The following ST18 variants were observed in gnomAD, a reference collection of about 807,000 sequenced individuals.
The protein encoded by ST18 is suppression of tumorigenicity 18 protein.
Under a neutral mutation model 110.0 loss-of-function variants are expected in ST18, and 50 were observed. That is an observed-to-expected ratio of 0.45 (90% CI 0.36 to 0.58). ST18 has a LOEUF of 0.58. Ranked by LOEUF, ST18 falls within the 20% of genes least tolerant of loss-of-function variation. ST18 has a pLI of 0.00. For missense variants in ST18, 1,306 were observed against 1,280.1 expected, an observed-to-expected ratio of 1.02 and a Z score of -0.31; for synonymous variants, 461 against 452.4, an observed-to-expected ratio of 1.02 and a Z score of -0.24.
chr8:52,366,649 C>T (rs557729626), intron 2 of ST18, among the ~76,000 whole-genome samples: 6 of 152,344 alleles, frequency 3.9e-5, no homozygotes, highest in South Asian at 2.1e-4. Flanking sequence ...AAAGATGCCC[C>T]TGCCTTCCCT....
At chr8:52,288,820 C>T (rs1223520430) in intron 2 of ST18, among the ~76,000 whole-genome samples, 1 of 151,964 alleles carries the variant, frequency 6.6e-6, no homozygotes, top group African/African-American at 2.4e-5. Context: ...AAAATATTGA[C>T]TAGAGCAGAT....
intron 2 of ST18, among the ~76,000 whole-genome samples, chr8:52,361,903 T>A (rs1825898553): frequency 6.9e-6 from 1 of 144,872 alleles, no homozygotes; most frequent in African/African-American, 2.8e-5. Flanking sequence ...TTTCACACTT[T>A]ATTTTTTTTT....
intron 2 of ST18, among the ~76,000 whole-genome samples, chr8:52,255,197 T>C (rs2094486277): frequency 6.6e-6 from 1 of 151,970 alleles, no homozygotes; most frequent in South Asian, 2.1e-4. Context: ...CGGCCCGGAG[T>C]GCTCTATTTC....
rs147403940 is a variant in ST18, at chr8:52,141,216, C to A, written c.2168+1714G>T. ...GCTTATTTTAAAGTCGCTCACATAC[C>A]AGTAGGGCAAACTGATGACGGACTC... On this transcript the variant is annotated intron_variant, in intron 17 of 25. Coordinates refer to ENST00000689386, the MANE Select transcript of ST18 (RefSeq NM_001352837.2). 1.0e-3 allele frequency among the ~76,000 whole-genome samples: 155 copies of A among 152,260 alleles called. 1 individual carries two copies. The highest frequency in any genetic ancestry group is 5.0e-3 in the Admixed American group (76 of 15,298).
intron 2 of ST18, among the ~76,000 whole-genome samples, chr8:52,270,947 C>A (rs897706726): frequency 4.0e-5 from 6 of 151,778 alleles, no homozygotes; most frequent in Non-Finnish European, 7.4e-5. Flanking sequence ...CTCTGTCACC[C>A]AGGCTGGAGG....
At chr8:52,208,116 T>G (rs895181445) in intron 8 of ST18, among the ~76,000 whole-genome samples, 2 of 152,174 alleles carry the variant, frequency 1.3e-5, no homozygotes, top group African/African-American at 4.8e-5. Context: ...TCGAGTATAA[T>G]AAGAAGATGA....
chr8:52,389,154 C>G (rs942916820), intron 2 of ST18, among the ~76,000 whole-genome samples: 4 of 152,076 alleles, frequency 2.6e-5, no homozygotes, highest in African/African-American at 7.2e-5. Context: ...CTGTGGGGCT[C>G]CCAGGCCTCA....
intron 9 of ST18, among the ~76,000 whole-genome samples, chr8:52,178,345 G>A (rs2067722281): frequency 1.3e-5 from 2 of 151,386 alleles, no homozygotes; most frequent in East Asian, 3.9e-4. Context: ...AAATAAAACG[G>A]AGCCAGGCAT....
chr8:52,347,325 G>C (rs1031513743), intron 2 of ST18, among the ~76,000 whole-genome samples: 2 of 152,158 alleles, frequency 1.3e-5, no homozygotes, highest in Admixed American at 6.5e-5. Context: ...TCAACATTCT[G>C]AAAGTATAAA....
chr8:52,168,501 C>G (rs1226771902), intron 10 of ST18, among the ~76,000 whole-genome samples: 1 of 151,870 alleles, frequency 6.6e-6, no homozygotes, highest in African/African-American at 2.4e-5. Context: ...TGGGGCACAG[C>G]AGGTTGTATG....
chr8:52,138,472 T>C (rs1326276269), intron 17 of ST18, among the ~76,000 whole-genome samples: 2 of 152,150 alleles, frequency 1.3e-5, no homozygotes, highest in Non-Finnish European at 2.9e-5. Context: ...TATAATCAGC[T>C]ACTCAGGAAA....
chr8:52,192,742 G>T (rs535156762), intron 8 of ST18, among the ~76,000 whole-genome samples: 1 of 152,336 alleles, frequency 6.6e-6, no homozygotes, highest in East Asian at 1.9e-4. Context: ...TAAAGGATTT[G>T]TACATTCATT....
intron 6 of ST18, among the ~76,000 whole-genome samples, chr8:52,216,195 C>T (rs1400436665): frequency 2.0e-5 from 3 of 152,176 alleles, no homozygotes; most frequent in Non-Finnish European, 4.4e-5. Context: ...CTTCTTTACA[C>T]CGGCTTTAAG....
At chr8:52,116,236 G>A in intron 25 of ST18, 39 bp downstream of exon 25, 4 of 1,599,080 alleles carry the variant, frequency 2.5e-6, no homozygotes, top group Non-Finnish European at 3.4e-6. Flanking sequence ...CACTGCAAAT[G>A]CTTGTAATGG....
At chr8:52,173,436 G>A (rs994038035) in intron 9 of ST18, among the ~76,000 whole-genome samples, 3 of 152,166 alleles carry the variant, frequency 2.0e-5, no homozygotes, top group Non-Finnish European at 4.4e-5. Flanking sequence ...TCTGTCCAGG[G>A]TCCAGGACAG....
At chr8:52,122,629 C>G (rs903734999) in intron 23 of ST18, among the ~76,000 whole-genome samples, 3 of 151,962 alleles carry the variant, frequency 2.0e-5, no homozygotes, top group African/African-American at 7.3e-5. Flanking sequence ...ATTACAGGAG[C>G]CTGCCACCAC....
chr8:52,171,822 T>C lies in ST18; in HGVS notation c.1039A>G (p.Met347Val), dbSNP rs1361466688. The change falls in exon 10 of 26, where the codon ATG (methionine) becomes GTG (valine). Residue 347 changes from methionine to valine, a missense_variant. Coordinates refer to ENST00000689386, the MANE Select transcript of ST18 (RefSeq NM_001352837.2). ...TTGTTAAAGATTTGTCTTCCACCCA[T>C]GTCGATAACTTTGGTTTGCCTCCTT... ...GERRQTKVID[M>V]GGRQIFNNKH... 5 of 1,613,908 alleles carry C rather than the reference T, an allele frequency of 3.1e-6. No homozygotes were observed. Among genetic ancestry groups the C allele is most frequent in the African/African-American group, 1.3e-5 (1 of 75,064 alleles).
At chr8:52,244,250 G>A (rs140593199) in intron 2 of ST18, among the ~76,000 whole-genome samples, 37 of 152,132 alleles carry the variant, frequency 2.4e-4, no homozygotes, top group Non-Finnish European at 4.3e-4. Flanking sequence ...GGTCTCTATC[G>A]AAACCCGCAC....
chr8:52,262,772 A>G (rs1182422381), intron 2 of ST18, among the ~76,000 whole-genome samples: 2 of 152,236 alleles, frequency 1.3e-5, no homozygotes, highest in Non-Finnish European at 2.9e-5. Context: ...CTGCCTTTGC[A>G]GCTGCCTTAC....
Sources: allele counts gnomAD v4.1 joint callset (sites outside exome capture counted in the v4.1 genomes callset), GRCh38; gene constraint gnomAD v4.1.1; transcripts MANE v1.5; gene names NCBI Gene and HGNC (gene_info 2026-07-23, HGNC 2026-07-21).